OR2L13: variants seen among roughly 807,000 people sequenced by gnomAD.
The protein encoded by OR2L13 is olfactory receptor family 2 subfamily L member 13.
A neutral mutation model predicts 15.3 loss-of-function variants in OR2L13; 14 were observed. The observed-to-expected ratio is 0.91, with a 90% CI of 0.60 to 1.43. The LOEUF (loss-of-function observed/expected upper bound fraction) is 1.43. OR2L13 is among the 40% of genes most tolerant of loss of function. The pLI is 0.00. For missense variants in OR2L13, 367 were observed against 387.9 expected (o/e 0.95, Z 0.45); for synonymous variants, 152 against 142.9 (o/e 1.06, Z -0.45).
chr1:247,953,408 G>C, the OR2L13 span, among the ~76,000 whole-genome samples: 11 of 152,220 alleles, frequency 7.2e-5, no homozygotes, highest in East Asian at 2.1e-3. Context: ...CATAGACTCT[G>C]TGCATTTAGA....
At chr1:247,999,964 A>G in the OR2L13 span, among the ~76,000 whole-genome samples, 3 of 152,114 alleles carry the variant, frequency 2.0e-5, no homozygotes, top group South Asian at 6.2e-4. Flanking sequence ...ATCACTTCAG[A>G]AGAGAGAAAG....
chr1:247,977,751 A>C, the OR2L13 span, among the ~76,000 whole-genome samples: 1 of 152,150 alleles, frequency 6.6e-6, no homozygotes, highest in Non-Finnish European at 1.5e-5. Flanking sequence ...AATTTTAGGA[A>C]ACCTCAAGTT....
chr1:248,026,307 T>C, the OR2L13 span, among the ~76,000 whole-genome samples: 19 of 152,336 alleles, frequency 1.2e-4, no homozygotes, highest in Non-Finnish European at 2.6e-4. Context: ...TGGATTTCCT[T>C]CTGCCTTCAC....
the OR2L13 span, chr1:248,040,499 C>G: frequency 6.6e-6 from 1 of 152,334 alleles, no homozygotes; most frequent in Non-Finnish European, 1.5e-5. Context: ...CAAGTACAAC[C>G]TCTCCTCCTC....
chr1:247,949,555 G>T, the OR2L13 span: 1 of 1,613,780 alleles, frequency 6.2e-7, no homozygotes, highest in Non-Finnish European at 8.5e-7. Flanking sequence ...GCAGAAGGGA[G>T]GAAGAAAGCC....
chr1:248,024,170 C>G, the OR2L13 span: 1 of 152,022 alleles, frequency 6.6e-6, no homozygotes, highest in Non-Finnish European at 1.5e-5. Flanking sequence ...AAGTTTTAAG[C>G]CCCATATGCT....
chr1:248,059,831 C>T, the OR2L13 span, among the ~76,000 whole-genome samples: 1 of 152,026 alleles, frequency 6.6e-6, no homozygotes. Flanking sequence ...ATTGGTGAGG[C>T]CAAGAGTTCA....
the OR2L13 span, chr1:248,022,394 G>A: frequency 4.3e-6 from 7 of 1,614,060 alleles, no homozygotes; most frequent in South Asian, 6.6e-5. Flanking sequence ...GATCTTGGAT[G>A]ATAGGCTCCA....
At chr1:248,062,279 C>G in the OR2L13 span, 1 of 152,134 alleles carries the variant, frequency 6.6e-6, no homozygotes, top group Non-Finnish European at 1.5e-5. Flanking sequence ...CTGGAACATG[C>G]CAGCAGTAAT....
the OR2L13 span, among the ~76,000 whole-genome samples, chr1:248,042,795 T>G: frequency 6.6e-6 from 1 of 152,222 alleles, no homozygotes; most frequent in South Asian, 2.1e-4. Flanking sequence ...AATCACTGCC[T>G]TGCTCCAGAT....
At chr1:248,091,263 G>A (rs1408829722), upstream of OR2L13, among the ~76,000 whole-genome samples, 1 of 151,790 alleles carries the variant, frequency 6.6e-6, no homozygotes, top group African/African-American at 2.4e-5. Flanking sequence ...AGTTTATTTT[G>A]CTATGCAAGA....
chr1:248,032,002 G>A, the OR2L13 span, among the ~76,000 whole-genome samples: 1 of 151,838 alleles, frequency 6.6e-6, no homozygotes, highest in Non-Finnish European at 1.5e-5. Context: ...AGAAATGTTT[G>A]GAATGTTAAT....
the OR2L13 span, among the ~76,000 whole-genome samples, chr1:247,992,503 C>T: frequency 6.6e-6 from 1 of 151,884 alleles, no homozygotes; most frequent in Non-Finnish European, 1.5e-5. Flanking sequence ...GAACATAGTA[C>T]CCAATCAATA....
chr1:248,099,273 G>A (rs1482090614), intron 2 of OR2L13, 85 bp from the exon 3 acceptor site: 4 of 787,040 alleles, frequency 5.1e-6, no homozygotes, highest in Non-Finnish European at 8.3e-6. Flanking sequence ...AACAAACATT[G>A]ATAAAGTCAG....
At chr1:248,011,564 TC>T in the OR2L13 span, among the ~76,000 whole-genome samples, 1 of 152,178 alleles carries the variant, frequency 6.6e-6, no homozygotes, top group East Asian at 1.9e-4. Flanking sequence ...GGTTCCATTC[TC>T]CCCATCATTT....
chr1:247,958,003 T>C, the OR2L13 span, among the ~76,000 whole-genome samples: 1 of 152,224 alleles, frequency 6.6e-6, no homozygotes, highest in Non-Finnish European at 1.5e-5. Flanking sequence ...GTGTTTGCTC[T>C]TGCTTCTCTA....
At chr1:247,973,907 C>T in the OR2L13 span, among the ~76,000 whole-genome samples, 5 of 152,110 alleles carry the variant, frequency 3.3e-5, no homozygotes, top group Non-Finnish European at 7.4e-5. Context: ...ATACCATTTG[C>T]TCTAGCAATC....
At chr1:247,949,224 A>G in the OR2L13 span, 14 of 1,614,052 alleles carry the variant, frequency 8.7e-6, no homozygotes, top group African/African-American at 1.7e-4. Context: ...TGATCGTTAC[A>G]TTGCTATTTG....
chr1:248,100,296 C>T (rs1299358473), exon 3 of OR2L13: 5 of 1,600,404 alleles, frequency 3.1e-6, no homozygotes, highest in Admixed American at 3.4e-5. Flanking sequence ...TTGGGATATT[C>T]TCTTTCCTGA....
Sources: gnomAD v4.1 joint callset for allele counts (sites outside exome capture counted in the v4.1 genomes callset) on GRCh38, gnomAD v4.1.1 for gene constraint, MANE v1.5 for transcripts, NCBI Gene and HGNC (gene_info 2026-07-23, HGNC 2026-07-21) for gene names.